MAST4: variants seen among roughly 807,000 people sequenced by gnomAD.
The protein encoded by MAST4 is microtubule associated serine/threonine kinase family member 4.
In MAST4, 89 loss-of-function variants were observed where a neutral mutation model predicts 162.7. The ratio of observed to expected loss-of-function variants is 0.55; its 90% CI spans 0.46 to 0.65. The LOEUF is 0.65. Ranked by LOEUF, MAST4 falls within the 30% of genes least tolerant of loss-of-function variation. The probability of loss-of-function intolerance (pLI) is 0.00; values close to 1 mark genes in which losing one functional copy is unlikely to be tolerated. For missense variants in MAST4, 3,153 were observed against 3,374.0 expected (o/e 0.93, Z 1.62); for synonymous variants, 1,479 against 1,361.1 (o/e 1.09, Z -1.91).
In MAST4 at chr5:67,000,756, A is replaced by AGGGGG. The variant is rs71610548; in HGVS notation, c.675-53643_675-53639dup. Among the ~76,000 whole-genome samples, 55 of 141,382 alleles carry AGGGGG rather than the reference A, an allele frequency of 3.9e-4. 1 individual carries two copies. The highest frequency in any genetic ancestry group is 1.7e-3 in the South Asian group (7 of 4,040). The allele number at this position is 141,382 out of a possible 152,430, so 92.8% of individuals were successfully genotyped here. On this transcript the variant is annotated intron_variant, in intron 4 of 28. Coordinates refer to ENST00000403625, the MANE Select transcript of MAST4 (RefSeq NM_001164664.2). ...AGAGTGAAACTCTGTCTAAAAAAAA[A>AGGGGG]GGGGGGGGGTGGCTTGTGTCAACAG... is the stretch of plus-strand genomic sequence containing the variant.
chr5:66,906,842 G>C (rs188660636), intron 4 of MAST4, among the ~76,000 whole-genome samples: 1 of 152,104 alleles, frequency 6.6e-6, no homozygotes, highest in East Asian at 1.9e-4. Context: ...GCCTTTCTTG[G>C]TTAGGCACAG....
intron 3 of MAST4, among the ~76,000 whole-genome samples, chr5:66,831,165 T>C (rs1362502743): frequency 6.6e-6 from 1 of 152,202 alleles, no homozygotes; most frequent in Non-Finnish European, 1.5e-5. Flanking sequence ...TTCTATTCTC[T>C]ATAACATTCC....
chr5:67,157,499 T>G (rs564880063), intron 26 of MAST4, among the ~76,000 whole-genome samples: 1 of 152,374 alleles, frequency 6.6e-6, no homozygotes, highest in Admixed American at 6.5e-5. Flanking sequence ...TACAATTTTA[T>G]ATGTTTATGG....
At chr5:66,640,519 A>G (rs1745425102) in intron 1 of MAST4, among the ~76,000 whole-genome samples, 1 of 152,146 alleles carries the variant, frequency 6.6e-6, no homozygotes, top group South Asian at 2.1e-4. Context: ...TGTGTTAGCC[A>G]GGATGGTCTC....
At chr5:66,913,357 C>T (rs1001313622) in intron 4 of MAST4, among the ~76,000 whole-genome samples, 4 of 151,716 alleles carry the variant, frequency 2.6e-5, no homozygotes, top group African/African-American at 9.7e-5. Context: ...AAAAACTTTA[C>T]ATAACTAGAG....
At chr5:66,803,399 C>T (rs174028) in intron 3 of MAST4, among the ~76,000 whole-genome samples, 18,673 of 152,124 alleles carry the variant, frequency 0.12, 1,262 homozygotes, top group East Asian at 0.26. Flanking sequence ...TAAATTTGCT[C>T]ATGAAATCCT....
chr5:66,651,905 C>T (rs1302687199), intron 1 of MAST4, among the ~76,000 whole-genome samples: 1 of 152,192 alleles, frequency 6.6e-6, no homozygotes, highest in East Asian at 1.9e-4. Context: ...CTATGTGGAC[C>T]TCTACATGGA....
intron 1 of MAST4, among the ~76,000 whole-genome samples, chr5:66,686,510 TTCC>T (rs756903686): frequency 2.0e-4 from 31 of 152,198 alleles, no homozygotes; most frequent in Non-Finnish European, 8.8e-5. Context: ...TGAAGAATTG[TTCC>T]TTAACATTAC....
At chr5:66,621,560 T>C (rs940862928) in intron 1 of MAST4, among the ~76,000 whole-genome samples, 1 of 152,236 alleles carries the variant, frequency 6.6e-6, no homozygotes, top group African/African-American at 2.4e-5. Flanking sequence ...TATTTATTTA[T>C]TACACTTTGC....
intron 4 of MAST4, among the ~76,000 whole-genome samples, chr5:66,989,850 A>C (rs1749883422): frequency 6.6e-6 from 1 of 152,180 alleles, no homozygotes; most frequent in East Asian, 1.9e-4. Context: ...TCATTCTTTA[A>C]ATTTTAAAAT....
intron 4 of MAST4, among the ~76,000 whole-genome samples, chr5:67,034,082 A>G (rs1266041843): frequency 2.0e-5 from 3 of 152,164 alleles, no homozygotes; most frequent in Admixed American, 6.5e-5. Context: ...TGTCTTATCT[A>G]GCTTTGTACA....
At chr5:67,135,419 T>C (rs73766407) in intron 18 of MAST4, among the ~76,000 whole-genome samples, 8,008 of 152,258 alleles carry the variant, frequency 0.053, 712 homozygotes, top group African/African-American at 0.18. Flanking sequence ...CCTCTCATCT[T>C]GAAAGTTTGT....
intron 1 of MAST4, among the ~76,000 whole-genome samples, chr5:66,597,508 C>T (rs905404073): frequency 2.0e-5 from 3 of 150,128 alleles, no homozygotes; most frequent in African/African-American, 7.4e-5. Context: ...GTTTCAGTGG[C>T]GCCAGCCCCC....
chr5:67,144,218 G>C (rs748002022), intron 21 of MAST4, among the ~76,000 whole-genome samples: 1 of 152,128 alleles, frequency 6.6e-6, no homozygotes, highest in Non-Finnish European at 1.5e-5. Flanking sequence ...TTATTCTTCT[G>C]TTTGCACTCA....
chr5:66,732,522 C>G (rs1751915852), intron 1 of MAST4, among the ~76,000 whole-genome samples: 1 of 152,214 alleles, frequency 6.6e-6, no homozygotes, highest in Admixed American at 6.5e-5. Context: ...TAGCACTGAT[C>G]ACTTTGTGCT....
rs558977916 is a variant in MAST4, at chr5:66,713,873, G to A, written c.364-45836G>A. 2.0e-5 allele frequency among the ~76,000 whole-genome samples: 3 copies of A among 152,106 alleles called. No homozygotes were observed. The South Asian group carries it at 6.2e-4, about 32-fold the overall frequency. On this transcript the variant is annotated intron_variant, in intron 1 of 28. Transcript: ENST00000403625. Reference sequence around the variant, plus strand: ...GATGGCGTCTTATTTTTTTCATGATGGTCTAGTTCTGTCTCAGTGATGACA... The same window carrying A: ...GATGGCGTCTTATTTTTTTCATGATAGTCTAGTTCTGTCTCAGTGATGACA...
chr5:67,004,781 G>A (rs1751767059), intron 4 of MAST4: 1 of 530,652 alleles, frequency 1.9e-6, no homozygotes, highest in Non-Finnish European at 3.4e-6. Flanking sequence ...AGGAGGCTGT[G>A]TGTTAATTAA....
At chr5:66,928,033 A>G (rs939387648) in intron 4 of MAST4, among the ~76,000 whole-genome samples, 2 of 152,142 alleles carry the variant, frequency 1.3e-5, no homozygotes, top group Admixed American at 6.5e-5. Flanking sequence ...CTTTTTTATA[A>G]GGACACAGTT....
intron 3 of MAST4, among the ~76,000 whole-genome samples, chr5:66,892,445 GTA>G (rs1400529127): frequency 6.6e-6 from 1 of 152,138 alleles, no homozygotes; most frequent in Admixed American, 6.5e-5. Flanking sequence ...TTACTAAAAA[GTA>G]TGTGATTGAA....
Sources: allele counts gnomAD v4.1 joint callset (sites outside exome capture counted in the v4.1 genomes callset), GRCh38; gene constraint gnomAD v4.1.1; transcripts MANE v1.5; gene names NCBI Gene and HGNC (gene_info 2026-07-23, HGNC 2026-07-21).